SSH1: variants seen among roughly 807,000 people sequenced by gnomAD.
SSH1 encodes slingshot protein phosphatase 1, also known as protein phosphatase Slingshot homolog 1.
A neutral mutation model predicts 79.7 loss-of-function variants in SSH1; 43 were observed. The observed-to-expected ratio is 0.54, with a 90% CI of 0.42 to 0.70. SSH1 has a LOEUF of 0.70. Among genes scored for constraint, SSH1 ranks in the 30% least tolerant of loss-of-function variants. The probability of loss-of-function intolerance (pLI) is 0.00; values close to 1 mark genes in which losing one functional copy is unlikely to be tolerated. For missense variants in SSH1, 1,206 were observed against 1,358.8 expected, an observed-to-expected ratio of 0.89 and a Z score of 1.77; for synonymous variants, 599 against 538.3, an observed-to-expected ratio of 1.11 and a Z score of -1.56.
At chr12:108,795,055 G>A (rs2036688452) in intron 13 of SSH1, among the ~76,000 whole-genome samples, 1 of 152,030 alleles carries the variant, frequency 6.6e-6, no homozygotes, top group African/African-American at 2.4e-5. Flanking sequence ...TGCATTTCTC[G>A]ATATCCCATC....
rs1340747333 is a variant in SSH1 at position 108,849,430 on chromosome 12, G to A, written c.110+3208C>T. On this transcript the variant is annotated intron_variant, in intron 2 of 14. Coordinates refer to ENST00000326495, the MANE Select transcript of SSH1 (RefSeq NM_018984.4). Reference sequence around the variant, plus strand: ...AAATTAGCCAGGTGTGGTGGCGCACGCCTGTAGTCCCAGCTACTTGGGAGG... The same window carrying A: ...AAATTAGCCAGGTGTGGTGGCGCACACCTGTAGTCCCAGCTACTTGGGAGG... 7.9e-5 allele frequency among the ~76,000 whole-genome samples: 12 copies of A among 152,100 alleles called. No homozygotes were observed. In the South Asian group the frequency reaches 8.3e-4, roughly 11 times the overall value.
At position 108,788,308 on chromosome 12, in the gene SSH1, C is replaced by G; in HGVS notation, c.2830G>C (p.Val944Leu). 6.2e-7 allele frequency: 1 copy of G among 1,613,504 alleles called. No individual in the cohort carries two copies. Among genetic ancestry groups the G allele is most frequent in the Non-Finnish European group, 8.5e-7 (1 of 1,179,916 alleles). Residue 944 changes from valine to leucine, a missense_variant, in exon 15 of 15, where the codon GTC becomes CTC. Val to Leu is a conservative substitution (Grantham distance 32). Around this residue, in one of 5 missense-constraint regions of SSH1, gnomAD observed 709 missense variants for 730.6 expected, o/e 0.97. Transcript: ENST00000326495. ...TTCACCAGCCCGGGCTTCCCACGGA[C>G]ACTGTGGATGCTATCGCTGCTGGAG... ...RSSSSDSIHS[V>L]RGKPGLVKQR...
At chr12:108,815,388 G>A (rs961741935) in intron 5 of SSH1, among the ~76,000 whole-genome samples, 6 of 152,206 alleles carry the variant, frequency 3.9e-5, no homozygotes, top group African/African-American at 1.2e-4. Flanking sequence ...CTGCTCCCAC[G>A]GTTAGGATCA....
intron 2 of SSH1, among the ~76,000 whole-genome samples, chr12:108,829,177 A>T (rs888118552): frequency 5.3e-5 from 8 of 152,014 alleles, no homozygotes; most frequent in Non-Finnish European, 1.2e-4. Flanking sequence ...AAAATACAAA[A>T]ATTAGCCAGG....
chr12:108,813,975 G>A (rs922579037), intron 5 of SSH1, among the ~76,000 whole-genome samples: 1 of 152,152 alleles, frequency 6.6e-6, no homozygotes, highest in Non-Finnish European at 1.5e-5. Flanking sequence ...TGTAATCCCA[G>A]CACTATGGGA....
intron 1 of SSH1, among the ~76,000 whole-genome samples, chr12:108,855,802 C>T (rs1593142683): frequency 1.3e-5 from 2 of 152,122 alleles, no homozygotes; most frequent in South Asian, 2.1e-4. Context: ...CTCTAATCAG[C>T]GTGTAGAGGG....
rs2137069592 is a variant in SSH1, at chr12:108,806,302, T to A, written c.824A>T (p.Glu275Val). 6.2e-7 allele frequency: 1 copy of A among 1,614,058 alleles called. No individual in the cohort carries two copies. Among genetic ancestry groups the A allele is most frequent in the Non-Finnish European group, 8.5e-7 (1 of 1,179,958 alleles). The change falls in exon 9 of 15, where the codon GAG (glutamate) becomes GTG (valine). Residue 275 changes from glutamate (E) to valine (V), a missense_variant and splice_region_variant. Glu to Val is a moderately radical substitution (Grantham distance 121). This residue lies in a region of SSH1 where 116 missense variants were observed against 109.0 expected (regional missense o/e 1.06). Coordinates refer to ENST00000326495, the MANE Select transcript of SSH1 (RefSeq NM_018984.4). Reference sequence around the variant, plus strand: ...CAATGAAGGGAGGAGTTGTCTTACCTCTTTGGAAGTCACATTTTCTAGATC... The same window carrying A: ...CAATGAAGGGAGGAGTTGTCTTACCACTTTGGAAGTCACATTTTCTAGATC... Reference protein sequence around the residue: ...SQDLENVTSKEIRNELEKQMN... With the variant: ...SQDLENVTSKVIRNELEKQMN...
chr12:108,828,952 G>T (rs1215205051), intron 2 of SSH1, among the ~76,000 whole-genome samples: 3 of 152,178 alleles, frequency 2.0e-5, no homozygotes, highest in Non-Finnish European at 4.4e-5. Context: ...GACAAACGAA[G>T]GAAGCCCGTC....
chr12:108,809,821 A>C, intron 6 of SSH1, 63 bp from the exon 7 acceptor site: 1 of 1,444,838 alleles, frequency 6.9e-7, no homozygotes, highest in South Asian at 1.1e-5. Flanking sequence ...GAGTGAAATC[A>C]CTCTGGGAGG....
At chr12:108,813,750 A>AGGGGGGGGGGGG (rs2037744135) in intron 5 of SSH1, among the ~76,000 whole-genome samples, 1 of 10,794 alleles carries the variant, frequency 9.3e-5, no homozygotes, top group Non-Finnish European at 1.8e-4. Flanking sequence ...AGGGAAGGGG[A>AGGGGGGGGGGGG]GGGGAGGGGA....
At chr12:108,805,536 A>C (rs1260577590) in intron 9 of SSH1, among the ~76,000 whole-genome samples, 1 of 152,206 alleles carries the variant, frequency 6.6e-6, no homozygotes, top group Non-Finnish European at 1.5e-5. Flanking sequence ...AAGATATCAC[A>C]ATATGATTTT....
intron 5 of SSH1, among the ~76,000 whole-genome samples, chr12:108,813,852 G>C (rs1377430240): frequency 6.6e-6 from 1 of 151,960 alleles, no homozygotes; most frequent in Non-Finnish European, 1.5e-5. Flanking sequence ...AGAAAGAAGA[G>C]AAGAGAATAG....
intron 7 of SSH1, among the ~76,000 whole-genome samples, chr12:108,809,447 A>T (rs1593055953): frequency 7.4e-6 from 1 of 134,760 alleles, no homozygotes; most frequent in South Asian, 2.7e-4. Flanking sequence ...ACGGAGCAAG[A>T]CCCTGTCTCA....
chr12:108,814,981 T>C (rs1412915616), intron 5 of SSH1, among the ~76,000 whole-genome samples: 1 of 152,200 alleles, frequency 6.6e-6, no homozygotes, highest in African/African-American at 2.4e-5. Context: ...TCTGTGAGAC[T>C]GTAGGTGTGT....
At chr12:108,817,888 A>C (rs1286729598) in intron 4 of SSH1, among the ~76,000 whole-genome samples, 2 of 152,092 alleles carry the variant, frequency 1.3e-5, no homozygotes, top group Non-Finnish European at 2.9e-5. Flanking sequence ...GTTCCCCACC[A>C]GGTTTCACAA....
chr12:108,788,461 C>T lies in SSH1; in HGVS notation c.2677G>A (p.Gly893Ser). Reference sequence around the variant, plus strand: ...AAAGGAGGGGGGCTCTTCAGTGAGCCTCCTTCCAATGAAGCGGGGGCGGCC... The same window carrying T: ...AAAGGAGGGGGGCTCTTCAGTGAGCTTCCTTCCAATGAAGCGGGGGCGGCC... Reference protein sequence around the residue: ...SEAAPASLEGGSLKSPPPFFY... With the variant: ...SEAAPASLEGSSLKSPPPFFY... The change falls in exon 15 of 15, where the codon GGC (glycine) becomes AGC (serine). Residue 893 changes from glycine (G) to serine (S), a missense_variant. By Grantham distance (56) the Gly-to-Ser change is moderately conservative. This residue lies in a region of SSH1 where 709 missense variants were observed against 730.6 expected (regional missense o/e 0.97). Coordinates refer to ENST00000326495, the MANE Select transcript of SSH1 (RefSeq NM_018984.4). The T allele has an allele frequency of 6.4e-7, 1 of 1,562,766 alleles. No individual in the cohort carries two copies. The highest frequency in any genetic ancestry group is 1.2e-5 in the South Asian group (1 of 82,060).
chr12:108,834,924 C>G (rs775520754), intron 2 of SSH1, among the ~76,000 whole-genome samples: 22 of 152,190 alleles, frequency 1.4e-4, no homozygotes, highest in Non-Finnish European at 2.2e-4. Flanking sequence ...CCCTGGTCAT[C>G]TCTGTGCCCT....
In SSH1 at chr12:108,794,066, AG is replaced by A. The variant is rs1593012955; in HGVS notation, c.1350-1238del. Among the ~76,000 whole-genome samples the A allele has an allele frequency of 4.6e-5, 7 of 152,330 alleles. No individual in the cohort carries two copies. In the East Asian group the frequency reaches 1.4e-3, roughly 29 times the overall value. ...TGTCCAGCCCTTCCGACAGTGAAGG[AG>A]TCCACAGTTGGCCGGCCCTGTTCTC... is the stretch of plus-strand genomic sequence containing the variant. On this transcript the variant is annotated intron_variant, in intron 13 of 14. Transcript: ENST00000326495.
chr12:108,817,271 A>G (rs944608031), intron 4 of SSH1, 112 bp from the exon 5 acceptor site: 29 of 1,499,658 alleles, frequency 1.9e-5, no homozygotes, highest in Non-Finnish European at 2.6e-5. Flanking sequence ...TCTGGGAGTT[A>G]AAAATGAAGA....
Sources: gnomAD v4.1 joint callset for allele counts (sites outside exome capture counted in the v4.1 genomes callset) on GRCh38, gnomAD v4.1.1 for gene constraint, gnomAD v4.1.1 regional missense constraint, MANE v1.5 for transcripts, NCBI Gene and HGNC (gene_info 2026-07-23, HGNC 2026-07-21) for gene names.